Variants in ZNF516 observed in about 807,000 individuals in gnomAD.
ZNF516 encodes the protein zinc finger protein 516.
ZNF516 carries 19 observed loss-of-function variants against 79.7 expected under a neutral mutation model. The observed-to-expected ratio is 0.24, with a 90% CI of 0.17 to 0.35. ZNF516 has a LOEUF of 0.35. Among genes scored for constraint, ZNF516 ranks in the 10% least tolerant of loss-of-function variants. ZNF516 has a pLI of 1.00. For synonymous variants in ZNF516, 877 were observed against 739.5 expected (o/e 1.19, Z -3.02); for missense variants, 1,678 against 1,679.5 (o/e 1.00, Z 0.02).
chr18:76,481,912 T>C (rs1370233603), intron 1 of ZNF516, among the ~76,000 whole-genome samples: 3 of 152,228 alleles, frequency 2.0e-5, no homozygotes, highest in African/African-American at 7.2e-5. Context: ...TAGCTCTCAA[T>C]ACCTTTTATT....
In ZNF516 at chr18:76,442,794, C is replaced by A; in HGVS notation, c.261G>T (p.Gly87=). Residue 87 remains glycine (G), a synonymous_variant, in exon 3 of 7, where the codon GGG becomes GGT. Transcript: ENST00000443185. ...CCGGCTCGTGTCCCTGAATCAGAGT[C>A]CCCGTGCGGTGGCTCCGGATGTGAA... is the stretch of plus-strand genomic sequence containing the variant. ...LKIHIRSHRT[G]TLIQGHEPEA... 1 of 1,607,686 alleles carries A rather than the reference C, an allele frequency of 6.2e-7. No individual in the cohort carries two copies. Among genetic ancestry groups the A allele is most frequent in the South Asian group, 1.1e-5 (1 of 89,996 alleles).
In ZNF516 at chr18:76,442,580, C is replaced by T. The variant is rs572758212; in HGVS notation, c.475G>A (p.Gly159Arg). 17 of 1,598,292 alleles carry T rather than the reference C, an allele frequency of 1.1e-5. No individual in the cohort carries two copies. The highest frequency in any genetic ancestry group is 6.7e-5 in the Admixed American group (4 of 59,958). The change falls in exon 3 of 7, where the codon GGG becomes AGG. Residue 159 changes from glycine to arginine, a missense_variant. Gly to Arg is a moderately radical substitution (Grantham distance 125). Transcript: ENST00000443185. ...GRVLLRSSKK[G>R]AEGSACAPGE... ...GGGGCGCATGCGGACCCCTCTGCCC[C>T]CTTCTTGCTGCTCCGCAGCAGGACT...
chr18:76,491,650 C>T (rs1479749976), intron 1 of ZNF516: 37 of 712,420 alleles, frequency 5.2e-5, no homozygotes, highest in African/African-American at 5.9e-5. Flanking sequence ...CCTGGCAGCC[C>T]AGCAACAAGC....
chr18:76,373,315 G>GAAAGAAAAGAAGGAAGT (rs1568234102), intron 4 of ZNF516, among the ~76,000 whole-genome samples: 1 of 151,076 alleles, frequency 6.6e-6, no homozygotes, highest in Non-Finnish European at 1.5e-5. Flanking sequence ...GAGAAGGGGA[G>GAAAGAAAAGAAGGAAGT]AAAGAAAAGA....
intron 4 of ZNF516, 33 bp downstream of exon 4, chr18:76,378,822 T>C (rs2074833528): frequency 6.3e-7 from 1 of 1,591,268 alleles, no homozygotes; most frequent in African/African-American, 1.3e-5. Flanking sequence ...GGGTCACATG[T>C]GGCCTGGGGA....
chr18:76,449,704 C>A (rs1487743955), intron 2 of ZNF516, among the ~76,000 whole-genome samples: 1 of 152,158 alleles, frequency 6.6e-6, no homozygotes. Flanking sequence ...CCATCTTAGA[C>A]GGGATTAATA....
Position 76,441,819 on chromosome 18 carries a change from CG to C in ZNF516, c.1235del (p.Pro412ArgfsTer48). 2 of 1,564,218 alleles carry C rather than the reference CG, an allele frequency of 1.3e-6. No homozygotes were observed. On this transcript the variant is annotated frameshift_variant, in exon 3 of 7. Coordinates refer to ENST00000443185, the MANE Select transcript of ZNF516 (RefSeq NM_014643.4). LOFTEE classifies it high-confidence loss of function. ...QAGRRVAELDPVNSYQAWQLA... is the reference protein window; with the variant it reads ...QAGRRVAELDXVNSYQAWQLA... ...GCTGCCAGGCCTGGTAGCTGTTGACCGGGTCCAGCTCAGCCACCCGCCGTCC... is the reference window on the plus strand; with the variant it reads ...GCTGCCAGGCCTGGTAGCTGTTGACCGGTCCAGCTCAGCCACCCGCCGTCC...
chr18:76,437,590 T>A (rs2075760320), intron 3 of ZNF516, among the ~76,000 whole-genome samples: 1 of 152,176 alleles, frequency 6.6e-6, no homozygotes, highest in African/African-American at 2.4e-5. Flanking sequence ...TGGTCCTTTG[T>A]GGGACAGGGG....
intron 4 of ZNF516, 44 bp downstream of exon 4, chr18:76,378,811 G>A (rs2074833242): frequency 6.3e-7 from 1 of 1,580,666 alleles, no homozygotes; most frequent in South Asian, 1.2e-5. Context: ...GGTGGTTCTG[G>A]GGGTCACATG....
chr18:76,422,764 G>A (rs2075524501), intron 3 of ZNF516, among the ~76,000 whole-genome samples: 1 of 152,014 alleles, frequency 6.6e-6, no homozygotes, highest in African/African-American at 2.4e-5. Context: ...CTGGAGGATA[G>A]GACAAGCAGA....
intron 3 of ZNF516, among the ~76,000 whole-genome samples, chr18:76,407,647 ACT>A (rs2075320668): frequency 6.6e-6 from 1 of 151,914 alleles, no homozygotes; most frequent in Non-Finnish European, 1.5e-5. Flanking sequence ...TTCCCCCTTA[ACT>A]CTTTCATCCT....
intron 3 of ZNF516, among the ~76,000 whole-genome samples, chr18:76,428,653 C>T (rs945899324): frequency 1.3e-5 from 2 of 152,150 alleles, no homozygotes; most frequent in African/African-American, 2.4e-5. Context: ...ACATCAAATG[C>T]GCTTACTACG....
chr18:76,437,595 CA>C (rs1213858229), intron 3 of ZNF516, among the ~76,000 whole-genome samples: 1 of 152,070 alleles, frequency 6.6e-6, no homozygotes, highest in Non-Finnish European at 1.5e-5. Flanking sequence ...CTTTGTGGGA[CA>C]GGGGTGACTG....
intron 3 of ZNF516, among the ~76,000 whole-genome samples, chr18:76,426,019 G>A (rs993876905): frequency 1.3e-5 from 2 of 152,212 alleles, no homozygotes; most frequent in African/African-American, 2.4e-5. Flanking sequence ...ACTCAAGTAC[G>A]TTCCTTCATC....
chr18:76,432,127 A>C (rs8085133), intron 3 of ZNF516, among the ~76,000 whole-genome samples: 57,234 of 152,118 alleles, frequency 0.38, 10,809 homozygotes, highest in East Asian at 0.46. Flanking sequence ...AGGCTTTGGG[A>C]TCTATCTAGA....
At chr18:76,465,043 G>A (rs1913375352) in intron 1 of ZNF516, among the ~76,000 whole-genome samples, 1 of 152,248 alleles carries the variant, frequency 6.6e-6, no homozygotes, top group African/African-American at 2.4e-5. Context: ...GAGGAGAGAG[G>A]CTCCAGAGGT....
At chr18:76,445,182 G>A (rs749963429) in intron 2 of ZNF516, among the ~76,000 whole-genome samples, 3 of 151,906 alleles carry the variant, frequency 2.0e-5, no homozygotes, top group South Asian at 2.1e-4. Flanking sequence ...GCTTGAACCC[G>A]GGAGAGGGAG....
At chr18:76,370,326 C>T (rs1037841628) in intron 6 of ZNF516, among the ~76,000 whole-genome samples, 2 of 152,236 alleles carry the variant, frequency 1.3e-5, no homozygotes, top group Non-Finnish European at 2.9e-5. Flanking sequence ...AGACCCTGCA[C>T]CACCCGGCTG....
rs2074845689 is a variant in ZNF516, at chr18:76,379,275, T to C, written c.2839A>G (p.Ser947Gly). Residue 947 changes from serine to glycine, a missense_variant, in exon 4 of 7, where the codon AGC becomes GGC. Ser to Gly is a moderately conservative substitution (Grantham distance 56). Around this residue, in one of 5 missense-constraint regions of ZNF516, gnomAD observed 1,294 missense variants for 1,248.3 expected, o/e 1.04. Transcript: ENST00000443185. ...ACCCCAAACTTCTCCACAGGCTTGC[T>C]ATTGGCCGAGGGCTGCGCGCCAGCC... ...ARAGAQPSAN[S>G]KPVEKFGVPP... is the part of the protein sequence containing the mutation. 7.4e-6 allele frequency: 12 copies of C among 1,612,256 alleles called. No individual in the cohort carries two copies. Among genetic ancestry groups the C allele is most frequent in the Non-Finnish European group, 1.0e-5 (12 of 1,179,472 alleles).
Sources: allele counts gnomAD v4.1 joint callset (sites outside exome capture counted in the v4.1 genomes callset), GRCh38; gene constraint gnomAD v4.1.1; regional missense constraint gnomAD v4.1.1; transcripts MANE v1.5; gene names NCBI Gene and HGNC (gene_info 2026-07-23, HGNC 2026-07-21).